KIF1B: variants seen among roughly 807,000 people sequenced by gnomAD.
The protein encoded by KIF1B is kinesin-like protein KIF1B.
In KIF1B, 76 loss-of-function variants were observed where a neutral mutation model predicts 241.9. The ratio of observed to expected loss-of-function variants is 0.31; its 90% CI spans 0.26 to 0.38. The LOEUF (loss-of-function observed/expected upper bound fraction) is 0.38. Ranked by LOEUF, KIF1B falls within the 10% of genes least tolerant of loss-of-function variation. The pLI is 1.00. For missense variants in KIF1B, 1,622 were observed against 2,271.4 expected (o/e 0.71, Z 5.81); for synonymous variants, 750 against 796.7 (o/e 0.94, Z 0.99).
In KIF1B at chr1:10,303,684, C is replaced by A. The variant is rs534187817; in HGVS notation, c.2115+6438C>A. 1.2e-6 allele frequency: 2 copies of A among 1,613,670 alleles called. No individual in the cohort carries two copies. The highest frequency in any genetic ancestry group is 1.7e-5 in the Admixed American group (1 of 59,954). ...AGCTGGAAGATATTTTGCAAGAAGT[C>A]AAAAAGCAAAATAACATGAAAGACG... On this transcript the variant is annotated intron_variant, in intron 22 of 48. Coordinates refer to ENST00000676179, the MANE Select transcript of KIF1B (RefSeq NM_001365951.3). This position sits in a 1 kb window ranked among gnomAD's most constrained non-coding sequence, Gnocchi z 5.2.
rs758367228 is a variant in KIF1B, at chr1:10,379,163, T to C, written c.*2576T>C. On this transcript the variant is annotated 3_prime_UTR_variant, in exon 49 of 49. Transcript: ENST00000676179. ...GTTACAGAGTGTGACAGAGGATCCATGTCTGTGACACAGGACGGTGGGAAG... is the reference window on the plus strand; with the variant it reads ...GTTACAGAGTGTGACAGAGGATCCACGTCTGTGACACAGGACGGTGGGAAG... The C allele has an allele frequency of 2.5e-4, 59 of 232,362 alleles. No individual in the cohort carries two copies. Among genetic ancestry groups the C allele is most frequent in the Non-Finnish European group, 3.8e-4 (45 of 117,226 alleles). 14.4% of individuals were successfully genotyped at this position (232,362 alleles called of 1,614,324 possible).
intron 2 of KIF1B, among the ~76,000 whole-genome samples, chr1:10,254,729 T>A (rs992308822): frequency 6.6e-6 from 1 of 151,538 alleles, no homozygotes; most frequent in African/African-American, 2.4e-5. Flanking sequence ...ACAAAAAAAT[T>A]AGCTGGGCGT....
At chr1:10,349,899 A>C (rs1299822268) in intron 37 of KIF1B, among the ~76,000 whole-genome samples, 1 of 152,268 alleles carries the variant, frequency 6.6e-6, no homozygotes, top group African/African-American at 2.4e-5. Context: ...ATTGAAATAC[A>C]GTTGTTAAAA....
chr1:10,232,471 A>T (rs777514958), intron 2 of KIF1B, 37 bp downstream of exon 2: 3 of 1,425,338 alleles, frequency 2.1e-6, no homozygotes, highest in Middle Eastern at 1.7e-4. Context: ...TGTGTATCTT[A>T]CTTTCCTTTC....
intron 15 of KIF1B, among the ~76,000 whole-genome samples, chr1:10,289,920 A>G (rs1649905562): frequency 6.6e-6 from 1 of 151,072 alleles, no homozygotes; most frequent in South Asian, 2.1e-4. Flanking sequence ...AATAAATAAT[A>G]GGATTATATC....
intron 38 of KIF1B, among the ~76,000 whole-genome samples, chr1:10,355,755 G>C (rs1326659668): frequency 6.6e-6 from 1 of 152,010 alleles, no homozygotes; most frequent in East Asian, 1.9e-4. Context: ...AGCATGAAGG[G>C]TTTATTGCTT....
intron 25 of KIF1B, among the ~76,000 whole-genome samples, chr1:10,324,412 A>C (rs1651644703): frequency 6.6e-6 from 1 of 152,162 alleles, no homozygotes; most frequent in Admixed American, 6.5e-5. Flanking sequence ...GGAAGTTATA[A>C]TCTGGCTTCT....
chr1:10,324,939 AG>A, intron 26 of KIF1B, 44 bp downstream of exon 26: 1 of 1,608,258 alleles, frequency 6.2e-7, no homozygotes, highest in Non-Finnish European at 8.5e-7. Flanking sequence ...AATAATGATT[AG>A]TTTTAAGTGT....
chr1:10,319,985 T>C, intron 22 of KIF1B, 58 bp from the exon 23 acceptor site: 1 of 1,122,406 alleles, frequency 8.9e-7, no homozygotes, highest in Admixed American at 1.9e-5. Flanking sequence ...CCATTTCTCT[T>C]TCCCTGCCCT....
intron 2 of KIF1B, 41 bp downstream of exon 2, chr1:10,232,475 T>A: frequency 7.2e-7 from 1 of 1,392,760 alleles, no homozygotes; most frequent in Non-Finnish European, 1.0e-6. Context: ...TATCTTACTT[T>A]CCTTTCTTCT....
At chr1:10,298,614 A>C (rs1448702117) in intron 22 of KIF1B, among the ~76,000 whole-genome samples, 4 of 152,182 alleles carry the variant, frequency 2.6e-5, no homozygotes, top group African/African-American at 9.7e-5. Context: ...TTTGTGACAC[A>C]AGAAGATGTC....
At chr1:10,259,564 G>A (rs4259656) in intron 4 of KIF1B, among the ~76,000 whole-genome samples, 35,940 of 149,764 alleles carry the variant, frequency 0.24, 4,905 homozygotes, top group Admixed American at 0.31. Flanking sequence ...GTGCAATGGC[G>A]CCATCTTGGC....
chr1:10,267,480 A>T lies in KIF1B; in HGVS notation c.530A>T (p.Tyr177Phe), dbSNP rs1648531287. 1 of 1,614,188 alleles carries T rather than the reference A, an allele frequency of 6.2e-7. No individual in the cohort carries two copies. The highest frequency in any genetic ancestry group is 8.5e-7 in the Non-Finnish European group (1 of 1,179,994). Residue 177 changes from tyrosine (Y) to phenylalanine (F), a missense_variant, in exon 6 of 49, where the codon TAT (tyrosine) becomes TTT (phenylalanine). Coordinates refer to ENST00000676179, the MANE Select transcript of KIF1B (RefSeq NM_001365951.3). ...RVREHPLLGP[Y>F]VEDLSKLAVT... ...CGTGAACACCCACTTCTTGGACCCT[A>T]TGTGGAGGATCTGTCCAAGTTGGCA...
intron 15 of KIF1B, among the ~76,000 whole-genome samples, chr1:10,283,089 C>T (rs1251671313): frequency 6.6e-6 from 1 of 151,612 alleles, no homozygotes; most frequent in Non-Finnish European, 1.5e-5. Flanking sequence ...CACCTGTAGT[C>T]CCAGCTACTC....
chr1:10,292,770 G>T (rs1033077624), intron 17 of KIF1B, among the ~76,000 whole-genome samples: 1 of 152,124 alleles, frequency 6.6e-6, no homozygotes, highest in African/African-American at 2.4e-5. Context: ...AAACTAAGTT[G>T]CAACGTCTTG....
chr1:10,222,840 G>T (rs1646862473), intron 1 of KIF1B, among the ~76,000 whole-genome samples: 1 of 152,194 alleles, frequency 6.6e-6, no homozygotes, highest in Admixed American at 6.5e-5. Flanking sequence ...CTCAGGCTGT[G>T]TAAGTGATTT....
intron 1 of KIF1B, among the ~76,000 whole-genome samples, chr1:10,225,270 T>C (rs1646895415): frequency 6.6e-6 from 1 of 152,026 alleles, no homozygotes; most frequent in Non-Finnish European, 1.5e-5. Context: ...TGAGCTGAGA[T>C]GGTTCCACTG....
intron 47 of KIF1B, 37 bp downstream of exon 47, chr1:10,375,083 T>C (rs1280080956): frequency 1.2e-6 from 2 of 1,602,104 alleles, no homozygotes; most frequent in Non-Finnish European, 1.7e-6. Context: ...TATTGCCACG[T>C]GTGCCCTTCT....
At chr1:10,318,226 A>G (rs1382976172) in intron 22 of KIF1B, among the ~76,000 whole-genome samples, 1 of 151,534 alleles carries the variant, frequency 6.6e-6, no homozygotes, top group Non-Finnish European at 1.5e-5. Flanking sequence ...AACGACCAGA[A>G]CCATAGAGGA....
Sources: allele counts gnomAD v4.1 joint callset (sites outside exome capture counted in the v4.1 genomes callset), GRCh38; gene constraint gnomAD v4.1.1; non-coding constraint Gnocchi (gnomAD v3.1); transcripts MANE v1.5; gene names NCBI Gene and HGNC (gene_info 2026-07-23, HGNC 2026-07-21).